NETO1: variants seen among roughly 807,000 people sequenced by gnomAD.
NETO1 encodes neuropilin and tolloid-like protein 1.
Under a neutral mutation model 61.3 loss-of-function variants are expected in NETO1, and 26 were observed. The ratio of observed to expected loss-of-function variants is 0.42; its 90% confidence interval spans 0.31 to 0.59. NETO1 has a LOEUF of 0.59. Among genes scored for constraint, NETO1 ranks in the 20% least tolerant of loss-of-function variants. The pLI is 0.12. For missense variants in NETO1, 531 were observed against 662.8 expected (o/e 0.80, Z 2.18); for synonymous variants, 225 against 225.8 (o/e 1.00, Z 0.03).
At position 72,771,943 on chromosome 18, in the gene NETO1, G is replaced by T. The variant is rs1164527879; in HGVS notation, c.868+11735C>A. On this transcript the variant is annotated intron_variant, in intron 7 of 10. Transcript: ENST00000327305. ...CAGAAGTCCAGGCAGGGCTCAATTG[G>T]GTTCTTTCCTTTGGGTCTCTGAAGG... 2.0e-5 allele frequency among the ~76,000 whole-genome samples: 3 copies of T among 152,002 alleles called. No homozygotes were observed. In the East Asian group the frequency reaches 5.8e-4, roughly 29 times the overall value.
At chr18:72,837,581 G>T (rs1260134418) in intron 4 of NETO1, among the ~76,000 whole-genome samples, 1 of 152,076 alleles carries the variant, frequency 6.6e-6, no homozygotes, top group Non-Finnish European at 1.5e-5. Context: ...TTTGGTCAAA[G>T]TTTCTTAGCT....
chr18:72,862,142 T>C (rs942434715), intron 3 of NETO1, among the ~76,000 whole-genome samples: 2 of 152,154 alleles, frequency 1.3e-5, no homozygotes, highest in African/African-American at 2.4e-5. Flanking sequence ...TGTTCTCTCA[T>C]TTTAGATGAA....
chr18:72,763,595 T>A (rs1445057338), intron 7 of NETO1, among the ~76,000 whole-genome samples: 4 of 74,094 alleles, frequency 5.4e-5, no homozygotes, highest in South Asian at 1.5e-3. Context: ...ACACACACAC[T>A]CACAAACACA....
chr18:72,845,684 G>A (rs1418935346), intron 4 of NETO1, among the ~76,000 whole-genome samples: 1 of 152,146 alleles, frequency 6.6e-6, no homozygotes, highest in East Asian at 1.9e-4. Context: ...TTTCCCTTCT[G>A]GGGAAGTATA....
At position 72,783,155 on chromosome 18, in the gene NETO1, C is replaced by G. The variant is rs145684546; in HGVS notation, c.868+523G>C. 7.0e-3 allele frequency among the ~76,000 whole-genome samples: 1,065 copies of G among 152,298 alleles called. 9 individuals are homozygous for G. Among genetic ancestry groups the G allele is most frequent in the African/African-American group, 0.023 (962 of 41,558 alleles). ...GTGATTTGCCCTTGACTCTGGATAT[C>G]ACCCATTGTGCTGTTTTAAACATTT... On this transcript the variant is annotated intron_variant, in intron 7 of 10. Transcript: ENST00000327305.
rs775550513 is a variant in NETO1 at position 72,858,949 on chromosome 18, G to T, written c.346C>A (p.Arg116Ser). 4 of 1,613,676 alleles carry T rather than the reference G, an allele frequency of 2.5e-6. No homozygotes were observed. The Admixed American group carries it at 6.7e-5, about 27-fold the overall frequency. Residue 116 changes from arginine (R) to serine (S), a missense_variant, in exon 4 of 11, where the codon CGT (arginine) becomes AGT (serine). Physicochemically the swap from Arg to Ser is moderately radical, Grantham distance 110. Transcript: ENST00000327305. ...GPFGFSPIIG[R>S]FCGQQNPPVI... is the part of the protein sequence containing the mutation. Reference sequence around the variant, plus strand: ...GGTGGATTTTGTTGTCCACAGAAACGTCCAATTATTGGAGAAAAGCCAAAA... The same window carrying T: ...GGTGGATTTTGTTGTCCACAGAAACTTCCAATTATTGGAGAAAAGCCAAAA...
At chr18:72,748,278 T>C (rs2070476775) in intron 10 of NETO1, 114 bp from the exon 11 acceptor site, 5 of 983,712 alleles carry the variant, frequency 5.1e-6, no homozygotes, top group Non-Finnish European at 3.6e-6. Flanking sequence ...TCAAGAATAG[T>C]TGATAGGCTT....
intron 7 of NETO1, among the ~76,000 whole-genome samples, chr18:72,761,794 C>A (rs1241125174): frequency 1.3e-5 from 2 of 152,216 alleles, no homozygotes; most frequent in Non-Finnish European, 1.5e-5. Flanking sequence ...ATAAAATAAT[C>A]TTCAGTTAAC....
intron 4 of NETO1, among the ~76,000 whole-genome samples, chr18:72,804,450 T>G (rs1488336110): frequency 6.6e-6 from 1 of 152,198 alleles, no homozygotes; most frequent in Non-Finnish European, 1.5e-5. Flanking sequence ...TATAACTGAA[T>G]CATATCAGAG....
chr18:72,813,307 T>C (rs2072928857), intron 4 of NETO1, among the ~76,000 whole-genome samples: 1 of 152,242 alleles, frequency 6.6e-6, no homozygotes, highest in Non-Finnish European at 1.5e-5. Flanking sequence ...GGATTATGCA[T>C]GGGCTGCAAT....
chr18:72,839,660 T>C (rs2073859258), intron 4 of NETO1, among the ~76,000 whole-genome samples: 1 of 152,168 alleles, frequency 6.6e-6, no homozygotes, highest in Admixed American at 6.5e-5. Context: ...TTAACTGTTG[T>C]CACATGAAAG....
intron 4 of NETO1, among the ~76,000 whole-genome samples, chr18:72,796,707 G>A (rs541561333): frequency 9.2e-5 from 14 of 151,878 alleles, no homozygotes; most frequent in Middle Eastern, 3.4e-3. Flanking sequence ...CTCATGATCC[G>A]TCCTCCTTGG....
chr18:72,864,358 T>C (rs1299418592), intron 3 of NETO1, among the ~76,000 whole-genome samples: 1 of 152,218 alleles, frequency 6.6e-6, no homozygotes, highest in African/African-American at 2.4e-5. Context: ...AGATTGGTGT[T>C]TAGAAAATGT....
At chr18:72,804,996 T>A (rs1280487478) in intron 4 of NETO1, among the ~76,000 whole-genome samples, 4 of 152,214 alleles carry the variant, frequency 2.6e-5, no homozygotes, top group Non-Finnish European at 5.9e-5. Context: ...TTTGAATAAC[T>A]GGCCAGAATT....
chr18:72,822,432 G>GCCACC (rs2073228800), intron 4 of NETO1, among the ~76,000 whole-genome samples: 1 of 152,172 alleles, frequency 6.6e-6, no homozygotes, highest in Non-Finnish European at 1.5e-5. Context: ...CAGGAGCACC[G>GCCACC]CCACCGTCCC....
intron 3 of NETO1, among the ~76,000 whole-genome samples, chr18:72,862,617 T>TTTTC (rs1317479995): frequency 8.9e-6 from 1 of 112,030 alleles, no homozygotes; most frequent in African/African-American, 2.7e-5. Context: ...TGATCCTTTT[T>TTTTC]TTTTCTTTTT....
intron 4 of NETO1, among the ~76,000 whole-genome samples, chr18:72,848,567 G>A (rs1285455275): frequency 6.6e-6 from 1 of 152,098 alleles, no homozygotes; most frequent in Non-Finnish European, 1.5e-5. Context: ...AGAAAAAGTA[G>A]AAGAATTTAA....
chr18:72,832,246 A>G (rs1599105766), intron 4 of NETO1, among the ~76,000 whole-genome samples: 1 of 152,298 alleles, frequency 6.6e-6, no homozygotes, highest in South Asian at 2.1e-4. Flanking sequence ...AATAAAAATC[A>G]CCCTAAAATT....
chr18:72,799,894 G>A (rs983202644), intron 4 of NETO1, among the ~76,000 whole-genome samples: 8 of 152,226 alleles, frequency 5.3e-5, no homozygotes, highest in African/African-American at 1.4e-4. Flanking sequence ...TTACTTGTGC[G>A]ACACATTCAA....
Sources: allele counts gnomAD v4.1 joint callset (sites outside exome capture counted in the v4.1 genomes callset), GRCh38; gene constraint gnomAD v4.1.1; transcripts MANE v1.5; gene names NCBI Gene and HGNC (gene_info 2026-07-23, HGNC 2026-07-21).